OR2B11: variants seen among roughly 807,000 people sequenced by gnomAD.
OR2B11 encodes the protein olfactory receptor 2B11.
For missense variants in OR2B11, 422 were observed against 400.0 expected, an observed-to-expected ratio of 1.05 and a Z score of -0.47; for synonymous variants, 198 against 174.5, an observed-to-expected ratio of 1.13 and a Z score of -1.06.
At chr1:247,455,889 A>C (rs9988620) in intron 1 of OR2B11, among the ~76,000 whole-genome samples, 113,706 of 152,130 alleles carry the variant, frequency 0.75, 42,851 homozygotes, top group East Asian at 0.93. Flanking sequence ...AACACTATTC[A>C]TCATCTTCTG....
Position 247,454,195 on chromosome 1 carries a change from A to ATG in OR2B11, c.-2214_-2213insCA, listed in dbSNP as rs112472168. On this transcript the variant is annotated 5_prime_UTR_variant, in exon 2 of 2. It adds an upstream start codon to the 5' untranslated region. Transcript: ENST00000641149. ...CACGTGCACACGCACACACACACAC[A>ATG]CACACACACACGCACACACACACGG... 0.85 allele frequency: 129,923 copies of ATG among 152,356 alleles called. 55,910 individuals carry two copies. The highest frequency in any genetic ancestry group is 1 in the East Asian group (5,152 of 5,170). The allele number at this position is 152,356 out of a possible 1,614,324, so 9.4% of individuals were successfully genotyped here.
chr1:247,450,629 GA>G lies in OR2B11; in HGVS notation c.*399del, dbSNP rs2103265289. The G allele has an allele frequency of 6.4e-6, 1 of 156,070 alleles. No individual in the cohort carries two copies. Among genetic ancestry groups the G allele is most frequent in the South Asian group, 2.1e-4 (1 of 4,870 alleles). 9.7% of individuals were successfully genotyped at this position (156,070 alleles called of 1,614,324 possible). A position where few individuals can be genotyped will look rare whatever the true frequency, so the allele number is the denominator to read the frequency against. Reference sequence around the variant, plus strand: ...ATTTGTGGAGATTTAAGTATATGGAGAAAAACACTTATTCATTGTAAGTAAA... The same window carrying G: ...ATTTGTGGAGATTTAAGTATATGGAGAAAACACTTATTCATTGTAAGTAAA... On this transcript the variant is annotated 3_prime_UTR_variant, in exon 2 of 2. Transcript: ENST00000641149.
chr1:247,449,977 T>A lies in OR2B11; in HGVS notation c.*1052A>T, dbSNP rs1664801338. The stretch of plus-strand genomic sequence containing the variant: ...CTGAATAGTATTTTTCCATGGTATA[T>A]ATCTCACATTTTCTTTTTCTTTTTT... On this transcript the variant is annotated 3_prime_UTR_variant, in exon 2 of 2. Transcript: ENST00000641149. The A allele has an allele frequency of 6.6e-6, 1 of 151,902 alleles. No individual in the cohort carries two copies. The highest frequency in any genetic ancestry group is 2.1e-4 in the South Asian group (1 of 4,826). The allele number at this position is 151,902 out of a possible 1,614,324, so 9.4% of individuals were successfully genotyped here.
At chr1:247,455,329 G>A (rs10925036) in intron 1 of OR2B11, among the ~76,000 whole-genome samples, 1 of 152,006 alleles carries the variant, frequency 6.6e-6, no homozygotes, top group Non-Finnish European at 1.5e-5. Context: ...AGTCTAGAAT[G>A]CAGCCTCCCA....
chr1:247,456,516 T>G (rs1664967334), intron 1 of OR2B11, among the ~76,000 whole-genome samples: 1 of 152,182 alleles, frequency 6.6e-6, no homozygotes. Context: ...AGACCTCGCC[T>G]AATGGAAAAA....
rs934064272 is a variant in OR2B11, at chr1:247,453,221, C to G, written c.-1239G>C. 1 of 152,142 alleles carries G rather than the reference C, an allele frequency of 6.6e-6. No individual in the cohort carries two copies. The highest frequency in any genetic ancestry group is 1.5e-5 in the Non-Finnish European group (1 of 68,022). 9.4% of individuals were successfully genotyped at this position (152,142 alleles called of 1,614,324 possible). On this transcript the variant is annotated 5_prime_UTR_variant, in exon 2 of 2. Coordinates refer to ENST00000641149, the MANE Select transcript of OR2B11 (RefSeq NM_001004492.2). Reference sequence around the variant, plus strand: ...CCTTATGCATAGACTGTAAAACTAACGGAGATCTGCTCAGCTTACATGTTG... The same window carrying G: ...CCTTATGCATAGACTGTAAAACTAAGGGAGATCTGCTCAGCTTACATGTTG...
rs1281399017 is a variant in OR2B11 at position 247,450,851 on chromosome 1, G to A, written c.*178C>T. On this transcript the variant is annotated 3_prime_UTR_variant, in exon 2 of 2. Transcript: ENST00000641149. ...AATATATGGCCTCTTAGAATTATAC[G>A]TTTAAAATGAACTTTGTCGCTATGG... 5 of 444,318 alleles carry A rather than the reference G, an allele frequency of 1.1e-5. No homozygotes were observed. Among genetic ancestry groups the A allele is most frequent in the East Asian group, 3.2e-5 (1 of 31,158 alleles). The allele number at this position is 444,318 out of a possible 1,614,324, so 27.5% of individuals were successfully genotyped here.
rs755987081 is a variant in OR2B11 at position 247,451,500 on chromosome 1, G to A, written c.483C>T (p.Phe161=). ...LAWLSGFGNS[F]VQVVLTVQLP... is the part of the protein sequence containing the mutation. ...ATTGCACCGTCAGGACCACCTGCAC[G>A]AAGGAGTTGCCGAAGCCACTGAGCC... Residue 161 remains phenylalanine, a synonymous_variant, in exon 2 of 2, where the codon TTC becomes TTT. Transcript: ENST00000641149. 3.6e-5 allele frequency: 58 copies of A among 1,614,086 alleles called. No homozygotes were observed. Among genetic ancestry groups the A allele is most frequent in the Non-Finnish European group, 4.3e-5 (51 of 1,180,050 alleles).
chr1:247,451,483 G>A lies in OR2B11; in HGVS notation c.500C>T (p.Thr167Met), dbSNP rs149375684. The change falls in exon 2 of 2, where the codon ACG (threonine) becomes ATG (methionine). Residue 167 changes from threonine to methionine, a missense_variant. Thr to Met is a moderately conservative substitution (Grantham distance 81). Coordinates refer to ENST00000641149, the MANE Select transcript of OR2B11 (RefSeq NM_001004492.2). The part of the protein sequence containing the change: ...FGNSFVQVVL[T>M]VQLPFCGRQV... Reference sequence around the variant, plus strand: ...CCGCCCGCAGAATGGCAATTGCACCGTCAGGACCACCTGCACGAAGGAGTT... The same window carrying A: ...CCGCCCGCAGAATGGCAATTGCACCATCAGGACCACCTGCACGAAGGAGTT... 1.8e-4 allele frequency: 298 copies of A among 1,614,172 alleles called. No homozygotes were observed. In the African/African-American group the frequency reaches 2.1e-3, roughly 11 times the overall value.
chr1:247,449,417 T>C lies in OR2B11; in HGVS notation c.*1612A>G, dbSNP rs1339690072. 1.3e-5 allele frequency: 2 copies of C among 152,252 alleles called. No individual in the cohort carries two copies. The highest frequency in any genetic ancestry group is 2.9e-5 in the Non-Finnish European group (2 of 68,052). 9.4% of individuals were successfully genotyped at this position (152,252 alleles called of 1,614,324 possible). A position where few individuals can be genotyped will look rare whatever the true frequency, so the allele number is the denominator to read the frequency against. On this transcript the variant is annotated 3_prime_UTR_variant, in exon 2 of 2. Transcript: ENST00000641149. ...TCCCATCCGAGGAACAGTTCATCTA[T>C]TATACTTCACAGAGCATTAAGTTAT...
chr1:247,457,158 C>T (rs777721378), intron 1 of OR2B11, among the ~76,000 whole-genome samples: 3 of 151,890 alleles, frequency 2.0e-5, no homozygotes, highest in African/African-American at 7.3e-5. Flanking sequence ...CACCACCACA[C>T]GTCATCGCCT....
At chr1:247,455,528 C>T (rs1284803531) in intron 1 of OR2B11, among the ~76,000 whole-genome samples, 1 of 152,170 alleles carries the variant, frequency 6.6e-6, no homozygotes, top group Admixed American at 6.5e-5. Context: ...CCCCTTTCTC[C>T]TTATTTGTTT....
rs149870519 is a variant in OR2B11 at position 247,451,425 on chromosome 1, C to T, written c.558G>A (p.Pro186=). 125 of 1,613,982 alleles carry T rather than the reference C, an allele frequency of 7.7e-5. No individual in the cohort carries two copies. The highest frequency in any genetic ancestry group is 1.1e-4 in the East Asian group (5 of 44,872). ...CAGCACACGACAGCTTGATCACGGC[C>T]GGCACCTCACAGAAAAAGTTGTTCA... The part of the protein sequence containing the change: ...QVLNNFFCEV[P]AVIKLSCADT... Residue 186 remains proline (P), a synonymous_variant, in exon 2 of 2, where the codon CCG becomes CCA. Coordinates refer to ENST00000641149, the MANE Select transcript of OR2B11 (RefSeq NM_001004492.2).
chr1:247,456,324 A>G (rs1347356446), intron 1 of OR2B11, among the ~76,000 whole-genome samples: 3 of 152,160 alleles, frequency 2.0e-5, no homozygotes, highest in African/African-American at 4.8e-5. Flanking sequence ...TATTTACTTA[A>G]AATAAATAGA....
At position 247,453,338 on chromosome 1, in the gene OR2B11, T is replaced by A. The variant is rs1473490587; in HGVS notation, c.-1356A>T. 6.6e-6 allele frequency: 1 copy of A among 152,202 alleles called. No homozygotes were observed. The highest frequency in any genetic ancestry group is 1.5e-5 in the Non-Finnish European group (1 of 68,028). The allele number at this position is 152,202 out of a possible 1,614,324, so 9.4% of individuals were successfully genotyped here. ...AAACTCCAGGGTTTCAATGGAGGAA[T>A]AAGTTCAGTTTTTCCCTCCTGCTTC... is the stretch of plus-strand genomic sequence containing the variant. On this transcript the variant is annotated 5_prime_UTR_variant, in exon 2 of 2. Coordinates refer to ENST00000641149, the MANE Select transcript of OR2B11 (RefSeq NM_001004492.2).
At position 247,452,223 on chromosome 1, in the gene OR2B11, T is replaced by G. The variant is rs775423469; in HGVS notation, c.-241A>C. ...TACTCAGTGGCCGCAACTAAACCAT[T>G]TAATATTCCTGAACTTCTGCATCTG... On this transcript the variant is annotated 5_prime_UTR_variant, in exon 2 of 2. Transcript: ENST00000641149. 1 of 482,482 alleles carries G rather than the reference T, an allele frequency of 2.1e-6. No homozygotes were observed. The highest frequency in any genetic ancestry group is 3.3e-5 in the South Asian group (1 of 30,464). The allele number at this position is 482,482 out of a possible 1,614,324, so 29.9% of individuals were successfully genotyped here.
chr1:247,457,332 C>A (rs754859220), intron 1 of OR2B11, among the ~76,000 whole-genome samples: 2 of 152,078 alleles, frequency 1.3e-5, no homozygotes. Context: ...TAGGAGGAAG[C>A]GGAGGAAAGG....
At position 247,451,752 on chromosome 1, in the gene OR2B11, G is replaced by T; in HGVS notation, c.231C>A (p.Tyr77Ter). 1 of 1,614,206 alleles carries T rather than the reference G, an allele frequency of 6.2e-7. No individual in the cohort carries two copies. The highest frequency in any genetic ancestry group is 8.5e-7 in the Non-Finnish European group (1 of 1,180,024). Residue 77 changes from tyrosine to a stop codon, truncating the protein, a stop_gained, in exon 2 of 2, where the codon TAC becomes TAA. Coordinates refer to ENST00000641149, the MANE Select transcript of OR2B11 (RefSeq NM_001004492.2). LOFTEE classifies it low-confidence loss of function (END_TRUNC). The stretch of plus-strand genomic sequence containing the variant: ...GCATCTGAGGGACTGTCGTGGTGGT[G>T]TAGCAGAGGTCCAGGAAGGACAGGT... Reference protein sequence around the residue: ...LSHLSFLDLCYTTTTVPQMLV... With the variant: ...LSHLSFLDLC
Position 247,451,572 on chromosome 1 carries a change from G to A in OR2B11, c.411C>T (p.Ala137=), listed in dbSNP as rs755902797. ...GACAGAGAGCACGGTGCATGAGAAC[G>A]GCATAGTGCAGGGGCTTGCAGATGG... ...YVAICKPLHY[A]VLMHRALCQQ... The change falls in exon 2 of 2, where the codon GCC becomes GCT. Residue 137 remains alanine (A), a synonymous_variant. Transcript: ENST00000641149. The A allele has an allele frequency of 8.1e-6, 13 of 1,613,726 alleles. No homozygotes were observed. Among genetic ancestry groups the A allele is most frequent in the Admixed American group, 1.7e-5 (1 of 60,014 alleles).
Sources: gnomAD v4.1 joint callset for allele counts (sites outside exome capture counted in the v4.1 genomes callset) on GRCh38, gnomAD v4.1.1 for gene constraint, MANE v1.5 for transcripts, NCBI Gene and HGNC (gene_info 2026-07-23, HGNC 2026-07-21) for gene names.